Variants in ZMPSTE24 observed in about 807,000 individuals in gnomAD.
The protein encoded by ZMPSTE24 is zinc metallopeptidase STE24.
In ZMPSTE24, 48 loss-of-function variants were observed where a neutral mutation model predicts 56.7. The observed-to-expected ratio is 0.85, with a 90% CI of 0.67 to 1.08. The LOEUF is 1.08. ZMPSTE24 is among the 50% of genes least tolerant of loss of function. The pLI, the probability that ZMPSTE24 is intolerant of heterozygous loss-of-function variation, is 0.00. For missense variants in ZMPSTE24, 503 were observed against 548.7 expected, an observed-to-expected ratio of 0.92 and a Z score of 0.83; for synonymous variants, 172 against 195.2, an observed-to-expected ratio of 0.88 and a Z score of 0.99.
chr1:40,271,161 C>T (rs1643611065), intron 5 of ZMPSTE24, among the ~76,000 whole-genome samples: 1 of 152,184 alleles, frequency 6.6e-6, no homozygotes, highest in Admixed American at 6.5e-5. Flanking sequence ...AGCTCCTGGG[C>T]TCAAGCAGTC....
intron 6 of ZMPSTE24, among the ~76,000 whole-genome samples, chr1:40,273,827 G>C (rs548911532): frequency 2.6e-5 from 4 of 151,608 alleles, no homozygotes; most frequent in Non-Finnish European, 5.9e-5. Context: ...ATCAGATAAC[G>C]TGAAATAATA....
chr1:40,267,956 G>T (rs1643572192), intron 3 of ZMPSTE24, 84 bp downstream of exon 3: 1 of 1,255,924 alleles, frequency 8.0e-7, no homozygotes, highest in African/African-American at 1.5e-5. Context: ...TTTGGCTTCT[G>T]CCAATGTTAA....
chr1:40,266,256 A>G (rs1419347640), intron 2 of ZMPSTE24, among the ~76,000 whole-genome samples: 1 of 152,230 alleles, frequency 6.6e-6, no homozygotes, highest in Non-Finnish European at 1.5e-5. Flanking sequence ...ATGAGGAACT[A>G]TGTCTGAACC....
chr1:40,285,902 A>C, intron 7 of ZMPSTE24, 23 bp from the exon 8 acceptor site: 1 of 1,589,380 alleles, frequency 6.3e-7, no homozygotes, highest in Non-Finnish European at 8.6e-7. Flanking sequence ...TCAATAATTT[A>C]TTTTTGATTT....
chr1:40,286,392 T>C (rs1489728415), intron 8 of ZMPSTE24, among the ~76,000 whole-genome samples: 4 of 152,168 alleles, frequency 2.6e-5, no homozygotes, highest in African/African-American at 9.7e-5. Context: ...CCTAGATAAG[T>C]TGGACATTAA....
intron 6 of ZMPSTE24, among the ~76,000 whole-genome samples, chr1:40,278,227 T>C (rs979373002): frequency 6.6e-6 from 1 of 152,016 alleles, no homozygotes; most frequent in Non-Finnish European, 1.5e-5. Context: ...GACTTCAAAT[T>C]CCCAAGAGAA....
intron 4 of ZMPSTE24, among the ~76,000 whole-genome samples, chr1:40,269,316 GC>G (rs1643589355): frequency 6.6e-6 from 1 of 151,806 alleles, no homozygotes; most frequent in South Asian, 2.1e-4. Context: ...GATTGCTTGA[GC>G]CCAGGAGGTT....
intron 8 of ZMPSTE24, among the ~76,000 whole-genome samples, chr1:40,288,677 C>T (rs1052566532): frequency 3.3e-5 from 5 of 152,200 alleles, no homozygotes; most frequent in African/African-American, 1.2e-4. Flanking sequence ...CCAAGAGCCT[C>T]CTTGACCATG....
intron 2 of ZMPSTE24, among the ~76,000 whole-genome samples, chr1:40,261,524 G>C (rs1446202194): frequency 1.3e-5 from 2 of 151,886 alleles, no homozygotes; most frequent in African/African-American, 4.8e-5. Context: ...CAGAGTGCTG[G>C]GATTATAGGC....
intron 6 of ZMPSTE24, among the ~76,000 whole-genome samples, chr1:40,276,462 G>A (rs1465586243): frequency 3.9e-5 from 6 of 152,208 alleles, no homozygotes; most frequent in African/African-American, 1.4e-4. Flanking sequence ...GGAGAAGATC[G>A]TGTTTTAAGG....
rs1284463451 is a variant in ZMPSTE24, at chr1:40,281,324, T to G, written c.770-19T>G. On this transcript the variant is annotated intron_variant, in intron 6 of 9. Transcript: ENST00000372759. ...AACTTTTTAATTATATTCCATGCTT[T>G]GAACTGTCTTTTCCTTAGGATCTAA... 1 of 1,613,658 alleles carries G rather than the reference T, an allele frequency of 6.2e-7. No homozygotes were observed. The highest frequency in any genetic ancestry group is 8.5e-7 in the Non-Finnish European group (1 of 1,179,702).
At chr1:40,272,110 A>G in intron 6 of ZMPSTE24, 75 bp downstream of exon 6, 1 of 1,420,548 alleles carries the variant, frequency 7.0e-7, no homozygotes, top group Non-Finnish European at 9.4e-7. Context: ...TAAAATTTTA[A>G]TAAAAGAATT....
rs185888095 is a variant in ZMPSTE24 at position 40,289,203 on chromosome 1, G to T, written c.1060-1651G>T. ...TAACTTACTGGTGCCTTCATAACTT[G>T]CTTCATTTCCACTCTTATATCTACC... is the stretch of plus-strand genomic sequence containing the variant. On this transcript the variant is annotated intron_variant, in intron 8 of 9. Transcript: ENST00000372759. Among the ~76,000 whole-genome samples the T allele has an allele frequency of 3.3e-5, 5 of 152,312 alleles. No homozygotes were observed. The East Asian group carries it at 9.6e-4, about 29-fold the overall frequency.
chr1:40,283,333 T>G (rs1003319537), intron 7 of ZMPSTE24, among the ~76,000 whole-genome samples: 1 of 151,928 alleles, frequency 6.6e-6, no homozygotes, highest in East Asian at 1.9e-4. Context: ...ACGAAACCCC[T>G]GTCTCTACAA....
At chr1:40,282,155 A>C (rs1643736993) in intron 7 of ZMPSTE24, among the ~76,000 whole-genome samples, 1 of 152,234 alleles carries the variant, frequency 6.6e-6, no homozygotes, top group Non-Finnish European at 1.5e-5. Flanking sequence ...ATAGTCATGC[A>C]ATCACAGTAC....
At chr1:40,266,760 A>AG (rs1439461147) in intron 2 of ZMPSTE24, among the ~76,000 whole-genome samples, 8 of 120,466 alleles carry the variant, frequency 6.6e-5, no homozygotes, top group Non-Finnish European at 1.1e-4. Flanking sequence ...ATTTCGAACA[A>AG]GTTTTTTTTT....
At position 40,277,085 on chromosome 1, in the gene ZMPSTE24, C is replaced by CT. The variant is rs574397138; in HGVS notation, c.770-4240dup. Among the ~76,000 whole-genome samples the CT allele has an allele frequency of 9.0e-3, 1,173 of 130,056 alleles. 18 individuals are homozygous for CT. The highest frequency in any genetic ancestry group is 0.022 in the African/African-American group (775 of 34,710). 85.3% of individuals were successfully genotyped at this position (130,056 alleles called of 152,430 possible). On this transcript the variant is annotated intron_variant, in intron 6 of 9. Coordinates refer to ENST00000372759, the MANE Select transcript of ZMPSTE24 (RefSeq NM_005857.5). ...AAGCTTACAGTACAGTACAGGGATT[C>CT]TTTTTTTTTTTTTTTTTTGAGACGG...
In ZMPSTE24 at chr1:40,271,902, C is replaced by T; in HGVS notation, c.636C>T (p.Val212=). The T allele has an allele frequency of 1.2e-6, 2 of 1,613,496 alleles. No homozygotes were observed. Among genetic ancestry groups the T allele is most frequent in the Non-Finnish European group, 1.7e-6 (2 of 1,179,672 alleles). The change falls in exon 6 of 10, where the codon GTC becomes GTT. Residue 212 remains valine (V), a synonymous_variant. Transcript: ENST00000372759. The part of the protein sequence containing the change: ...LFTLVVSLVL[V]TIYADYIAPL... ...TGACATTTACTTTTCAGGTTCTTGTCACAATCTATGCTGATTATATTGCCC... is the reference window on the plus strand; with the variant it reads ...TGACATTTACTTTTCAGGTTCTTGTTACAATCTATGCTGATTATATTGCCC...
intron 4 of ZMPSTE24, among the ~76,000 whole-genome samples, chr1:40,269,399 A>C (rs1463011652): frequency 6.6e-6 from 1 of 152,110 alleles, no homozygotes; most frequent in Non-Finnish European, 1.5e-5. Flanking sequence ...GTCTCTTAAA[A>C]AAAAAAAAGA....
Sources: gnomAD v4.1 joint callset for allele counts (sites outside exome capture counted in the v4.1 genomes callset) on GRCh38, gnomAD v4.1.1 for gene constraint, MANE v1.5 for transcripts, NCBI Gene and HGNC (gene_info 2026-07-23, HGNC 2026-07-21) for gene names.